Variants in HDAC4 observed in about 807,000 individuals in gnomAD.
The protein encoded by HDAC4 is histone deacetylase 4, also known as histone deacetylase A.
HDAC4 carries 16 observed loss-of-function variants against 135.1 expected under a neutral mutation model. The ratio of observed to expected loss-of-function variants is 0.12; its 90% CI spans 0.08 to 0.18. The LOEUF (loss-of-function observed/expected upper bound fraction) is 0.18, where lower values mean the gene tolerates loss of function less well. Ranked by LOEUF, HDAC4 falls within the 10% of genes least tolerant of loss-of-function variation. The pLI, the probability that HDAC4 is intolerant of heterozygous loss-of-function variation, is 1.00. For missense variants in HDAC4, 1,143 were observed against 1,511.8 expected (o/e 0.76, Z 4.05); for synonymous variants, 685 against 653.4 (o/e 1.05, Z -0.74).
intron 2 of HDAC4, among the ~76,000 whole-genome samples, chr2:239,282,638 CCA>C (rs2050861578): frequency 1.4e-5 from 2 of 141,756 alleles, no homozygotes; most frequent in South Asian, 4.3e-4. Context: ...AATGTACACA[CCA>C]CTCTACAAAC....
chr2:239,236,768 A>G (rs2047911758), intron 2 of HDAC4, 104 bp from the exon 3 acceptor site: 4 of 806,350 alleles, frequency 5.0e-6, no homozygotes, highest in Admixed American at 2.0e-5. Flanking sequence ...AATGAAATGC[A>G]TGTGTCCTTC....
rs186487974 is a variant in HDAC4 at position 239,374,646 on chromosome 2, G to A, written c.-219-21728C>T. Reference sequence around the variant, plus strand: ...TCTCGATCTCCTGACCTCGTGATCCGCCCGCCTCGGCCTCCCAAAGTGCTG... The same window carrying A: ...TCTCGATCTCCTGACCTCGTGATCCACCCGCCTCGGCCTCCCAAAGTGCTG... On this transcript the variant is annotated intron_variant, in intron 1 of 26. Coordinates refer to ENST00000543185, the MANE Select transcript of HDAC4 (RefSeq NM_001378414.1). 7.0e-3 allele frequency among the ~76,000 whole-genome samples: 1,067 copies of A among 151,620 alleles called. 15 individuals carry two copies. The highest frequency in any genetic ancestry group is 0.024 in the African/African-American group (1,011 of 41,288).
Position 239,349,875 on chromosome 2 carries a change from CCTCACCAGTGCGGCCTGT to C in HDAC4, c.22+2785_22+2802del, listed in dbSNP as rs1471259166. Among the ~76,000 whole-genome samples, 1 of 152,202 alleles carries C rather than the reference CCTCACCAGTGCGGCCTGT, an allele frequency of 6.6e-6. No individual in the cohort carries two copies. Among genetic ancestry groups the C allele is most frequent in the Non-Finnish European group, 1.5e-5 (1 of 68,036 alleles). Reference sequence around the variant, plus strand: ...GGGCTGGGCCAAGGGGCAGCCCTGCCCTCACCAGTGCGGCCTGTCTTCAGCCTCCAACCCACTGAGAGA... The same window carrying C: ...GGGCTGGGCCAAGGGGCAGCCCTGCCCTTCAGCCTCCAACCCACTGAGAGA... On this transcript the variant is annotated intron_variant, in intron 2 of 26. Coordinates refer to ENST00000543185, the MANE Select transcript of HDAC4 (RefSeq NM_001378414.1). The surrounding 1 kb of genome is among the most constrained non-coding windows in gnomAD (Gnocchi z 5.7).
At chr2:239,311,030 T>C (rs1408398338) in intron 2 of HDAC4, among the ~76,000 whole-genome samples, 1 of 152,256 alleles carries the variant, frequency 6.6e-6, no homozygotes, top group African/African-American at 2.4e-5. Flanking sequence ...TGCTGAGATC[T>C]GCGCGGTCGC....
chr2:239,227,643 G>T (rs1391398237), intron 3 of HDAC4, among the ~76,000 whole-genome samples: 1 of 152,206 alleles, frequency 6.6e-6, no homozygotes, highest in Non-Finnish European at 1.5e-5. Context: ...AAGACAAGCG[G>T]AAGGAGCGGG....
intron 2 of HDAC4, chr2:239,298,754 T>C (rs1440317434): frequency 3.6e-6 from 1 of 279,862 alleles, no homozygotes; most frequent in South Asian, 1.4e-4. Context: ...CATTTTAGAA[T>C]GATTTTCATT....
At chr2:239,254,337 G>A (rs1403607) in intron 2 of HDAC4, among the ~76,000 whole-genome samples, 19,091 of 151,458 alleles carry the variant, frequency 0.13, 1,674 homozygotes, top group East Asian at 0.38. Flanking sequence ...TGTGGGAATC[G>A]GCAAGAACAA....
rs1192608663 is a variant in HDAC4 at position 239,146,587 on chromosome 2, C to T, written c.734-1873G>A. Among the ~76,000 whole-genome samples the T allele has an allele frequency of 6.6e-6, 1 of 152,144 alleles. No homozygotes were observed. The highest frequency in any genetic ancestry group is 2.4e-5 in the African/African-American group (1 of 41,428). Reference sequence around the variant, plus strand: ...CCTGTGGGGGTCATCACGCTGCCACCAGGTCATCAGTCAGGCGGCAGATCC... The same window carrying T: ...CCTGTGGGGGTCATCACGCTGCCACTAGGTCATCAGTCAGGCGGCAGATCC... On this transcript the variant is annotated intron_variant, in intron 7 of 26. Transcript: ENST00000543185. The surrounding 1 kb of genome is among the most constrained non-coding windows in gnomAD (Gnocchi z 4.5).
chr2:239,180,904 G>A (rs1046014015), intron 4 of HDAC4, among the ~76,000 whole-genome samples: 1 of 152,254 alleles, frequency 6.6e-6, no homozygotes, highest in African/African-American at 2.4e-5. Flanking sequence ...GCCCACCTGG[G>A]CTGGGTCATT....
chr2:239,116,475 C>T (rs1278708935), intron 12 of HDAC4, among the ~76,000 whole-genome samples: 1 of 152,252 alleles, frequency 6.6e-6, no homozygotes, highest in Non-Finnish European at 1.5e-5. Context: ...CGCCTCTGGA[C>T]GGTGCTGCTT....
intron 3 of HDAC4, 105 bp from the exon 4 acceptor site, chr2:239,190,182 G>T (rs113699496): frequency 1.4e-5 from 20 of 1,411,984 alleles, no homozygotes; most frequent in East Asian, 2.5e-5. Context: ...GGCGGGGGGG[G>T]GGTTGTGACC....
chr2:239,066,045 C>A (rs953179477), intron 24 of HDAC4, among the ~76,000 whole-genome samples: 2 of 152,246 alleles, frequency 1.3e-5, no homozygotes, highest in Admixed American at 1.3e-4. Context: ...TCCCATCTCA[C>A]TGGCCCACGC....
At chr2:239,205,674 AAAG>A (rs1346648824) in intron 3 of HDAC4, among the ~76,000 whole-genome samples, 11 of 152,056 alleles carry the variant, frequency 7.2e-5, no homozygotes, top group Non-Finnish European at 1.5e-4. Context: ...GAAGAAGAAG[AAAG>A]AAGAAGGAAG....
At chr2:239,323,546 T>C (rs529801538) in intron 2 of HDAC4, among the ~76,000 whole-genome samples, 108 of 152,262 alleles carry the variant, frequency 7.1e-4, no homozygotes, top group African/African-American at 2.5e-3. Context: ...GGAGAGCCTG[T>C]GTGTGGAAGG....
chr2:239,180,054 G>T (rs1211859628), intron 4 of HDAC4, among the ~76,000 whole-genome samples: 1 of 152,248 alleles, frequency 6.6e-6, no homozygotes, highest in South Asian at 2.1e-4. Flanking sequence ...GACGGGGGCA[G>T]GCGGTGTGTG....
chr2:239,365,757 T>C (rs1371247700), intron 1 of HDAC4, among the ~76,000 whole-genome samples: 10 of 149,468 alleles, frequency 6.7e-5, no homozygotes, highest in Admixed American at 6.6e-4. Context: ...CACGTGGCAC[T>C]GGGGGACACA....
At position 239,068,683 on chromosome 2, in the gene HDAC4, TCTG is replaced by T; in HGVS notation, c.2751-79_2751-77del. On this transcript the variant is annotated intron_variant, in intron 22 of 26. Coordinates refer to ENST00000543185, the MANE Select transcript of HDAC4 (RefSeq NM_001378414.1). This position sits in a 1 kb window ranked among gnomAD's most constrained non-coding sequence, Gnocchi z 4.4. ...ACGGTCACAAAACCCCAAGGTTCCC[TCTG>T]GCATTGATAATGCCTGCCCCGCACC... 1.5e-6 allele frequency: 2 copies of T among 1,291,030 alleles called. No individual in the cohort carries two copies. Among genetic ancestry groups the T allele is most frequent in the South Asian group, 1.2e-5 (1 of 84,588 alleles). 80.0% of individuals were successfully genotyped at this position (1,291,030 alleles called of 1,614,324 possible). A position where few individuals can be genotyped will look rare whatever the true frequency, so the allele number is the denominator to read the frequency against.
At chr2:239,135,701 C>A (rs1205862585) in intron 9 of HDAC4, among the ~76,000 whole-genome samples, 1 of 152,188 alleles carries the variant, frequency 6.6e-6, no homozygotes, top group East Asian at 1.9e-4. Flanking sequence ...GCCCATGAAG[C>A]CTCCGCTGCA....
At chr2:239,188,761 C>T (rs531167523) in intron 4 of HDAC4, among the ~76,000 whole-genome samples, 1 of 152,382 alleles carries the variant, frequency 6.6e-6, no homozygotes, top group South Asian at 2.1e-4. Context: ...CCTGTGGCTT[C>T]CATGTTGGCC....
Sources: allele counts gnomAD v4.1 joint callset (sites outside exome capture counted in the v4.1 genomes callset), GRCh38; gene constraint gnomAD v4.1.1; non-coding constraint Gnocchi (gnomAD v3.1); transcripts MANE v1.5; gene names NCBI Gene and HGNC (gene_info 2026-07-23, HGNC 2026-07-21).